AP1M1: variants seen among roughly 807,000 people sequenced by gnomAD.
AP1M1 encodes the protein AP-1 complex subunit mu-1.
AP1M1 carries 18 observed loss-of-function variants against 57.1 expected under a neutral mutation model. That is an observed-to-expected ratio of 0.32 (90% confidence interval 0.22 to 0.47). The LOEUF (loss-of-function observed/expected upper bound fraction) is 0.47, where lower values mean the gene tolerates loss of function less well. AP1M1 is among the 20% of genes least tolerant of loss of function. The pLI is 1.00. For missense variants in AP1M1, 362 were observed against 593.5 expected, an observed-to-expected ratio of 0.61 and a Z score of 4.05; for synonymous variants, 241 against 237.9, an observed-to-expected ratio of 1.01 and a Z score of -0.12.
chr19:16,214,572 G>A (rs2091509704), intron 5 of AP1M1, among the ~76,000 whole-genome samples: 1 of 144,046 alleles, frequency 6.9e-6, no homozygotes, highest in Non-Finnish European at 1.5e-5. Context: ...GACTGGTGTC[G>A]AACTCCACAC....
At chr19:16,209,264 C>T (rs2290802) in intron 5 of AP1M1, 87 bp downstream of exon 5, 12 of 1,511,694 alleles carry the variant, frequency 7.9e-6, no homozygotes, top group East Asian at 2.3e-5. Flanking sequence ...GGCAAAGCCC[C>T]GAGAGCCGTT....
rs919111025 is a variant in AP1M1, at chr19:16,228,697, G to A, written c.889-73G>A. ...AGGATCCCCCGGGCCAGGCTGAGGG[G>A]CATGTGTCCTGGAGAGGCTGGCCAG... On this transcript the variant is annotated intron_variant, in intron 8 of 11. Coordinates refer to ENST00000291439, the MANE Select transcript of AP1M1 (RefSeq NM_032493.4). The surrounding 1 kb of genome is among the most constrained non-coding windows in gnomAD (Gnocchi z 5.0). 67 of 1,566,252 alleles carry A rather than the reference G, an allele frequency of 4.3e-5. No individual in the cohort carries two copies. Among genetic ancestry groups the A allele is most frequent in the African/African-American group, 8.1e-5 (6 of 74,066 alleles).
At chr19:16,224,371 C>T (rs191575247) in intron 5 of AP1M1, among the ~76,000 whole-genome samples, 5 of 152,356 alleles carry the variant, frequency 3.3e-5, no homozygotes, top group East Asian at 3.9e-4. Flanking sequence ...TGGCTCCGCC[C>T]GGAAGGATCC....
At position 16,203,516 on chromosome 19, in the gene AP1M1, A is replaced by G. The variant is rs1460695035; in HGVS notation, c.100A>G (p.Met34Val). 1.2e-6 allele frequency: 2 copies of G among 1,614,198 alleles called. No individual in the cohort carries two copies. The highest frequency in any genetic ancestry group is 8.5e-7 in the Non-Finnish European group (1 of 1,180,036). ...DVDMSEVEHF[M>V]PILMEKEEEG... The stretch of plus-strand genomic sequence containing the variant: ...GGACATGTCAGAGGTGGAGCACTTC[A>G]TGCCCATCCTGATGGAGAAGGAGGA... Residue 34 changes from methionine (M) to valine (V), a missense_variant, in exon 2 of 12, where the codon ATG (methionine) becomes GTG (valine). Around this residue, in one of 2 missense-constraint regions of AP1M1, gnomAD observed 337 missense variants for 511.1 expected, o/e 0.66. Transcript: ENST00000291439. This position sits in a 1 kb window ranked among gnomAD's most constrained non-coding sequence, Gnocchi z 4.6.
intron 6 of AP1M1, 72 bp downstream of exon 6, chr19:16,226,619 G>A: frequency 1.3e-6 from 2 of 1,488,224 alleles, no homozygotes; most frequent in South Asian, 1.3e-5. Flanking sequence ...GCCTAGGGCA[G>A]GGTTGGGCCA....
intron 5 of AP1M1, among the ~76,000 whole-genome samples, chr19:16,214,647 C>T (rs547406395): frequency 2.6e-5 from 4 of 152,270 alleles, no homozygotes; most frequent in African/African-American, 9.6e-5. Context: ...CCACCACACC[C>T]GGCCTTCTTT....
rs2091456414 is a variant in AP1M1, at chr19:16,203,318, C to T, written c.43-141C>T. ...TGGGGGATGGAGATCAGAACGGCCTCAAGTCCTGCTCTTTTGCGGATAGTG... is the reference window on the plus strand; with the variant it reads ...TGGGGGATGGAGATCAGAACGGCCTTAAGTCCTGCTCTTTTGCGGATAGTG... On this transcript the variant is annotated intron_variant, in intron 1 of 11. Coordinates refer to ENST00000291439, the MANE Select transcript of AP1M1 (RefSeq NM_032493.4). The surrounding 1 kb of genome is among the most constrained non-coding windows in gnomAD (Gnocchi z 4.6). 3.7e-6 allele frequency: 3 copies of T among 811,608 alleles called. No individual in the cohort carries two copies. Among genetic ancestry groups the T allele is most frequent in the Non-Finnish European group, 4.0e-6 (2 of 504,888 alleles). The allele number at this position is 811,608 out of a possible 1,614,324, so 50.3% of individuals were successfully genotyped here. A position where few individuals can be genotyped will look rare whatever the true frequency, so the allele number is the denominator to read the frequency against.
At chr19:16,224,858 T>A (rs900586409) in intron 5 of AP1M1, among the ~76,000 whole-genome samples, 3 of 151,392 alleles carry the variant, frequency 2.0e-5, no homozygotes, top group African/African-American at 7.3e-5. Context: ...CCAGTGAGGG[T>A]CCCGAGCTCC....
intron 5 of AP1M1, among the ~76,000 whole-genome samples, chr19:16,209,904 C>G (rs1191055607): frequency 1.3e-5 from 2 of 152,050 alleles, no homozygotes; most frequent in African/African-American, 4.8e-5. Flanking sequence ...AGCGCTTGTA[C>G]AGATTTGTGT....
chr19:16,221,342 A>G (rs774220343), intron 5 of AP1M1, among the ~76,000 whole-genome samples: 6 of 152,384 alleles, frequency 3.9e-5, no homozygotes, highest in Non-Finnish European at 7.3e-5. Context: ...TACTTTCTGC[A>G]GAAAGGGTGC....
At chr19:16,213,944 AGCTG>A (rs2091506417) in intron 5 of AP1M1, among the ~76,000 whole-genome samples, 1 of 152,000 alleles carries the variant, frequency 6.6e-6, no homozygotes, top group South Asian at 2.1e-4. Flanking sequence ...TTGTGTTGTT[AGCTG>A]TTTATTATGC....
chr19:16,226,916 G>A (rs897414653), intron 6 of AP1M1, among the ~76,000 whole-genome samples: 3 of 152,244 alleles, frequency 2.0e-5, no homozygotes, highest in East Asian at 1.9e-4. Context: ...TGAAGGCCAC[G>A]CATGGTGATT....
intron 1 of AP1M1, 188 bp downstream of exon 1, chr19:16,198,256 A>C: frequency 2.3e-6 from 1 of 441,210 alleles, no homozygotes; most frequent in Non-Finnish European, 4.0e-6. Context: ...TAAGTGGGTA[A>C]TCCCCGCCCT....
chr19:16,234,372 G>C lies in AP1M1; in HGVS notation c.1250-41G>C, dbSNP rs2091614241. The stretch of plus-strand genomic sequence containing the variant: ...TCGGGTCGGGTCCCGAAAGCAGGGA[G>C]GGTGCAGAGCCCAGCATGACGCCTC... On this transcript the variant is annotated intron_variant, in intron 11 of 11. Transcript: ENST00000291439. The C allele has an allele frequency of 1.9e-6, 3 of 1,613,938 alleles. No individual in the cohort carries two copies. In the African/African-American group the frequency reaches 4.0e-5, roughly 22 times the overall value.
At chr19:16,220,357 G>A (rs1051534704) in intron 5 of AP1M1, among the ~76,000 whole-genome samples, 12 of 151,842 alleles carry the variant, frequency 7.9e-5, no homozygotes, top group South Asian at 4.2e-4. Flanking sequence ...GACTGCAGCC[G>A]TGTGCCACCA....
chr19:16,229,535 C>T (rs1250630979), intron 9 of AP1M1, among the ~76,000 whole-genome samples: 1 of 152,204 alleles, frequency 6.6e-6, no homozygotes, highest in Non-Finnish European at 1.5e-5. Context: ...TGACCTGCTC[C>T]ACCAGGGGGG....
At position 16,243,759 on chromosome 19, in the gene AP1M1, T is replaced by G. The variant is rs1225559005; in HGVS notation, c.*9324T>G. On this transcript the variant is annotated 3_prime_UTR_variant, in exon 12 of 12. Coordinates refer to ENST00000291439, the MANE Select transcript of AP1M1 (RefSeq NM_032493.4). ...GAGTTCGAGACCAGCCTGGCCAACA[T>G]GGCGAAAATCCATCTCTACTAAAAA... is the stretch of plus-strand genomic sequence containing the variant. The G allele has an allele frequency of 6.6e-6, 1 of 151,914 alleles. No homozygotes were observed. Among genetic ancestry groups the G allele is most frequent in the African/African-American group, 2.4e-5 (1 of 41,342 alleles). 9.4% of individuals were successfully genotyped at this position (151,914 alleles called of 1,614,324 possible). A position where few individuals can be genotyped will look rare whatever the true frequency, so the allele number is the denominator to read the frequency against.
At chr19:16,226,199 G>T (rs564122540) in intron 5 of AP1M1, among the ~76,000 whole-genome samples, 1 of 152,174 alleles carries the variant, frequency 6.6e-6, no homozygotes, top group African/African-American at 2.4e-5. Context: ...AGGCTGGAGG[G>T]GTGAGCCTGG....
chr19:16,217,658 GT>G (rs2091524672), intron 5 of AP1M1, among the ~76,000 whole-genome samples: 1 of 152,134 alleles, frequency 6.6e-6, no homozygotes, highest in Admixed American at 6.5e-5. Context: ...CAGACTGAGG[GT>G]TGCTCAGGTC....
Sources: gnomAD v4.1 joint callset for allele counts (sites outside exome capture counted in the v4.1 genomes callset) on GRCh38, gnomAD v4.1.1 for gene constraint, gnomAD v4.1.1 regional missense constraint, Gnocchi (gnomAD v3.1) non-coding constraint, MANE v1.5 for transcripts, NCBI Gene and HGNC (gene_info 2026-07-23, HGNC 2026-07-21) for gene names.